Variants in TNR observed in about 807,000 individuals in gnomAD.
The protein encoded by TNR is tenascin R.
TNR carries 45 observed loss-of-function variants against 150.4 expected under a neutral mutation model. That is an observed-to-expected ratio of 0.30 (90% CI 0.24 to 0.38). The LOEUF (loss-of-function observed/expected upper bound fraction) is 0.38, where lower values mean the gene tolerates loss of function less well. Ranked by LOEUF, TNR falls within the 10% of genes least tolerant of loss-of-function variation. The pLI is 1.00. For missense variants in TNR, 1,544 were observed against 1,759.1 expected (o/e 0.88, Z 2.19); for synonymous variants, 687 against 678.4 (o/e 1.01, Z -0.20).
At chr1:175,574,076 G>A (rs1347537657) in intron 1 of TNR, among the ~76,000 whole-genome samples, 1 of 152,200 alleles carries the variant, frequency 6.6e-6, no homozygotes, top group East Asian at 1.9e-4. Context: ...GGTGGTGGGA[G>A]TGGGCGTGGA....
intron 1 of TNR, among the ~76,000 whole-genome samples, chr1:175,741,242 T>G (rs938966312): frequency 9.9e-5 from 15 of 152,242 alleles, no homozygotes; most frequent in African/African-American, 3.4e-4. Context: ...GAAGTTCTAT[T>G]TCTGCTTTCG....
At chr1:175,426,954 ATAT>A (rs1655015232) in intron 2 of TNR, among the ~76,000 whole-genome samples, 2 of 136,660 alleles carry the variant, frequency 1.5e-5, no homozygotes, top group Admixed American at 1.6e-4. Context: ...TATATATATT[ATAT>A]ATAAAATATA....
chr1:175,361,619 A>C (rs998486662), intron 14 of TNR, among the ~76,000 whole-genome samples: 8 of 152,238 alleles, frequency 5.3e-5, no homozygotes, highest in African/African-American at 1.9e-4. Flanking sequence ...CATCTACGAA[A>C]GCAGTAAGGA....
intron 1 of TNR, among the ~76,000 whole-genome samples, chr1:175,708,992 T>TGGGGTCCTTCAAGCAG (rs1460052799): frequency 7.6e-6 from 1 of 131,302 alleles, no homozygotes; most frequent in African/African-American, 4.2e-5. Flanking sequence ...GTGGCGAGCA[T>TGGGGTCCTTCAAGCAG]GTTATATCAT....
Position 175,335,817 on chromosome 1 carries a change from A to G in TNR, c.3535-10T>C, listed in dbSNP as rs749777824. 3.1e-6 allele frequency: 5 copies of G among 1,602,550 alleles called. No individual in the cohort carries two copies. The highest frequency in any genetic ancestry group is 3.5e-5 in the Admixed American group (2 of 56,896). On this transcript the variant is annotated splice_polypyrimidine_tract_variant and intron_variant, in intron 19 of 22. Transcript: ENST00000367674. ...GCCGCCTCTGGAATACCTATGAAGG[A>G]AATAAAAAAACAAAAAACAAACAAA...
intron 5 of TNR, among the ~76,000 whole-genome samples, chr1:175,396,053 A>G (rs1653410437): frequency 6.6e-6 from 1 of 152,232 alleles, no homozygotes; most frequent in African/African-American, 2.4e-5. Context: ...ACCAGGAGGA[A>G]ATTATGCCAC....
intron 1 of TNR, among the ~76,000 whole-genome samples, chr1:175,541,065 A>G (rs1005077879): frequency 6.6e-6 from 1 of 151,904 alleles, no homozygotes; most frequent in Non-Finnish European, 1.5e-5. Context: ...CTGCTGTTTC[A>G]TCTGCATAGA....
chr1:175,615,151 T>C (rs527737186), intron 1 of TNR, among the ~76,000 whole-genome samples: 44 of 152,340 alleles, frequency 2.9e-4, no homozygotes, highest in Admixed American at 2.9e-3. Context: ...GAAAGAATTA[T>C]AAACCTTTCA....
chr1:175,343,796 T>C (rs765205807), intron 18 of TNR, among the ~76,000 whole-genome samples: 2 of 152,158 alleles, frequency 1.3e-5, no homozygotes, highest in Admixed American at 6.5e-5. Context: ...CTGAAAACAT[T>C]TGGGACAACA....
intron 2 of TNR, among the ~76,000 whole-genome samples, chr1:175,498,943 T>C (rs753497007): frequency 7.2e-5 from 11 of 152,228 alleles, no homozygotes; most frequent in Non-Finnish European, 8.8e-5. Flanking sequence ...CTGTTGCTCA[T>C]ATTCAGGCTA....
At chr1:175,682,068 A>G (rs1246981874) in intron 1 of TNR, among the ~76,000 whole-genome samples, 1 of 152,204 alleles carries the variant, frequency 6.6e-6, no homozygotes, top group Non-Finnish European at 1.5e-5. Flanking sequence ...TTAAGAGCTC[A>G]ACAGCATAAG....
chr1:175,695,494 C>T, intron 1 of TNR, among the ~76,000 whole-genome samples: 1 of 152,226 alleles, frequency 6.6e-6, no homozygotes, highest in Non-Finnish European at 1.5e-5. Context: ...TCTAGGGCAA[C>T]TTGTTAGGCA....
chr1:175,369,351 C>T lies in TNR; in HGVS notation c.1964-2054G>A, dbSNP rs552056705. On this transcript the variant is annotated intron_variant, in intron 9 of 22. Transcript: ENST00000367674. ...TGCTTCCTCTGAAGGCTCTAGGAGA[C>T]CTAGGTTCTGGTGGTTGCCAGCACT... 1.1e-4 allele frequency among the ~76,000 whole-genome samples: 16 copies of T among 152,254 alleles called. No homozygotes were observed. In the South Asian group the frequency reaches 3.3e-3, roughly 32 times the overall value.
chr1:175,543,260 T>C (rs932189109), intron 1 of TNR, among the ~76,000 whole-genome samples: 1 of 151,260 alleles, frequency 6.6e-6, no homozygotes, highest in South Asian at 2.1e-4. Context: ...CTGTGGGGGG[T>C]CATTCAGGAA....
chr1:175,460,562 T>A (rs1656767617), intron 2 of TNR, among the ~76,000 whole-genome samples: 1 of 152,188 alleles, frequency 6.6e-6, no homozygotes, highest in Non-Finnish European at 1.5e-5. Context: ...CAGTGAGAAC[T>A]CCTGTGTTTT....
chr1:175,384,358 G>T (rs1652825018), intron 8 of TNR, among the ~76,000 whole-genome samples: 1 of 152,198 alleles, frequency 6.6e-6, no homozygotes. Context: ...GCAGAATTTA[G>T]TTCATTGTTT....
chr1:175,697,445 G>A (rs1200634004), intron 1 of TNR, among the ~76,000 whole-genome samples: 3 of 150,858 alleles, frequency 2.0e-5, no homozygotes, highest in Non-Finnish European at 4.4e-5. Context: ...TCACTGTTCT[G>A]AATACAGAAA....
chr1:175,738,933 C>A (rs956360859), intron 1 of TNR, among the ~76,000 whole-genome samples: 11 of 152,298 alleles, frequency 7.2e-5, no homozygotes, highest in South Asian at 4.1e-4. Context: ...AAAAGTGTAT[C>A]TCTGCGCTTC....
chr1:175,484,791 C>A (rs1371356965), intron 2 of TNR, among the ~76,000 whole-genome samples: 1 of 152,174 alleles, frequency 6.6e-6, no homozygotes, highest in Non-Finnish European at 1.5e-5. Flanking sequence ...AGGGGACTGG[C>A]AGGTCAGCTG....
Sources: gnomAD v4.1 joint callset for allele counts (sites outside exome capture counted in the v4.1 genomes callset) on GRCh38, gnomAD v4.1.1 for gene constraint, MANE v1.5 for transcripts, NCBI Gene and HGNC (gene_info 2026-07-23, HGNC 2026-07-21) for gene names.